The following MBNL3 variants were observed in gnomAD, a reference collection of about 807,000 sequenced individuals.
MBNL3 encodes the protein muscleblind like splicing regulator 3, also known as muscleblind-like protein 3.
In MBNL3, 6 loss-of-function variants were observed where a neutral mutation model predicts 24.5. The ratio of observed to expected loss-of-function variants is 0.25; its 90% CI spans 0.13 to 0.48. The LOEUF is 0.48. Ranked by LOEUF, MBNL3 falls within the 20% of genes least tolerant of loss-of-function variation. MBNL3 has a pLI of 0.99. For synonymous variants in MBNL3, 100 were observed against 101.7 expected, an observed-to-expected ratio of 0.98 and a Z score of 0.10; for missense variants, 230 against 293.5, an observed-to-expected ratio of 0.78 and a Z score of 1.58.
chrX:132,482,338 G>A (rs138509136), intron 1 of MBNL3, among the ~76,000 whole-genome samples: 98 of 112,056 alleles, frequency 8.7e-4, no homozygotes, highest in African/African-American at 3.0e-3. Flanking sequence ...ATTCTACCCC[G>A]TAAATATTAC....
chrX:132,478,253 A>G (rs1947549639), intron 1 of MBNL3, among the ~76,000 whole-genome samples: 1 of 111,246 alleles, frequency 9.0e-6, no homozygotes, highest in African/African-American at 3.3e-5. Context: ...AGATAGTTTT[A>G]TTTTCAGTGT....
intron 1 of MBNL3, among the ~76,000 whole-genome samples, chrX:132,452,916 A>G (rs1422164347): frequency 8.9e-6 from 1 of 112,601 alleles, no homozygotes; most frequent in Admixed American, 9.4e-5. Flanking sequence ...CAGTTCAGAG[A>G]ACAGAACATC....
chrX:132,473,105 C>G (rs17000246), intron 1 of MBNL3, among the ~76,000 whole-genome samples: 1,492 of 111,856 alleles, frequency 0.013, 24 homozygotes, highest in African/African-American at 0.044. Flanking sequence ...TATAAACTTG[C>G]CTTCCTTTGC....
Position 132,376,131 on chromosome X carries a change from G to A in MBNL3, c.*3535C>T, listed in dbSNP as rs988690834. 1.1e-4 allele frequency: 12 copies of A among 110,839 alleles called. No individual in the cohort carries two copies. Among genetic ancestry groups the A allele is most frequent in the African/African-American group, 3.6e-4 (11 of 30,540 alleles). 9.1% of individuals were successfully genotyped at this position (110,839 alleles called of 1,213,427 possible). A position where few individuals can be genotyped will look rare whatever the true frequency, so the allele number is the denominator to read the frequency against. On this transcript the variant is annotated 3_prime_UTR_variant, in exon 9 of 9. Transcript: ENST00000370853. Reference sequence around the variant, plus strand: ...TAGTGAACACCACCTAGTGGTATAGGACAACACTTATGGCAAGATCAAAGT... The same window carrying A: ...TAGTGAACACCACCTAGTGGTATAGAACAACACTTATGGCAAGATCAAAGT...
At chrX:132,470,442 A>G (rs1327784312) in intron 1 of MBNL3, among the ~76,000 whole-genome samples, 1 of 111,235 alleles carries the variant, frequency 9.0e-6, no homozygotes, top group East Asian at 2.8e-4. Flanking sequence ...GTGAAATAGG[A>G]AAGTCCTAGG....
intron 2 of MBNL3, chrX:132,430,010 A>G (rs1001943735): frequency 2.7e-5 from 3 of 111,316 alleles, no homozygotes; most frequent in African/African-American, 9.8e-5. Flanking sequence ...AAGTGCTTTT[A>G]TATGTATGAG....
intron 1 of MBNL3, among the ~76,000 whole-genome samples, chrX:132,463,684 T>A (rs1231358082): frequency 9.0e-6 from 1 of 110,993 alleles, no homozygotes; most frequent in Non-Finnish European, 1.9e-5. Context: ...CACACAATTT[T>A]AAAAAAAAGT....
At chrX:132,401,220 C>T (rs1204494930) in intron 3 of MBNL3, among the ~76,000 whole-genome samples, 2 of 111,692 alleles carry the variant, frequency 1.8e-5, no homozygotes, top group African/African-American at 6.5e-5. Flanking sequence ...ATAAATATTT[C>T]AGTCAATAAA....
chrX:132,460,658 T>G (rs1349195095), intron 1 of MBNL3, among the ~76,000 whole-genome samples: 1 of 112,262 alleles, frequency 8.9e-6, no homozygotes, highest in East Asian at 2.8e-4. Flanking sequence ...AATAGAAATC[T>G]GACAAACCTT....
At chrX:132,394,579 A>G (rs756596042) in intron 3 of MBNL3, among the ~76,000 whole-genome samples, 37 of 112,294 alleles carry the variant, frequency 3.3e-4, no homozygotes, top group African/African-American at 1.2e-3. Context: ...TGCCTTTTAC[A>G]AAAATGAGCA....
chrX:132,386,527 T>G (rs2148071035), intron 6 of MBNL3, 134 bp downstream of exon 6: 1 of 705,253 alleles, frequency 1.4e-6, no homozygotes, highest in Non-Finnish European at 2.0e-6. Context: ...CAGATAAGCA[T>G]AACTTCCTTG....
chrX:132,396,345 CAT>C (rs60225920), intron 3 of MBNL3, among the ~76,000 whole-genome samples: 25,143 of 77,929 alleles, frequency 0.32, 4,623 homozygotes, highest in African/African-American at 0.64. Flanking sequence ...CATATATATT[CAT>C]ATATATATAT....
intron 2 of MBNL3, chrX:132,411,503 G>A: frequency 1.5e-6 from 1 of 652,635 alleles, no homozygotes; most frequent in Non-Finnish European, 1.8e-6. Flanking sequence ...ATCTTACAGA[G>A]AATGTGAAGG....
intron 5 of MBNL3, among the ~76,000 whole-genome samples, chrX:132,390,413 T>G (rs1937005270): frequency 9.1e-6 from 1 of 109,901 alleles, no homozygotes; most frequent in African/African-American, 3.3e-5. Context: ...AATTACAACC[T>G]ACTTAATACC....
intron 2 of MBNL3, among the ~76,000 whole-genome samples, chrX:132,420,335 C>T (rs1438052123): frequency 9.0e-6 from 1 of 111,340 alleles, no homozygotes; most frequent in Non-Finnish European, 1.9e-5. Context: ...AAGTCAGCGG[C>T]GGGTCTGCGA....
intron 1 of MBNL3, among the ~76,000 whole-genome samples, chrX:132,460,450 C>T (rs745912351): frequency 9.0e-6 from 1 of 111,440 alleles, no homozygotes. Flanking sequence ...AAACCCTGGG[C>T]AAGTTACCTA....
At chrX:132,396,336 A>C (rs1183840300) in intron 3 of MBNL3, among the ~76,000 whole-genome samples, 5 of 65,561 alleles carry the variant, frequency 7.6e-5, no homozygotes, top group East Asian at 3.4e-4. Flanking sequence ...ATATATATTC[A>C]TATATATTCA....
chrX:132,383,170 T>C (rs1433038339), intron 7 of MBNL3, among the ~76,000 whole-genome samples: 1 of 112,388 alleles, frequency 8.9e-6, no homozygotes, highest in African/African-American at 3.2e-5. Context: ...TAATAATTTA[T>C]CATGTCTACA....
At chrX:132,393,703 G>GTT (rs1423044036) in intron 3 of MBNL3, among the ~76,000 whole-genome samples, 2 of 111,451 alleles carry the variant, frequency 1.8e-5, no homozygotes, top group Non-Finnish European at 3.8e-5. Flanking sequence ...GACTCTACAA[G>GTT]TTAGTTATTG....
Sources: gnomAD v4.1 joint callset for allele counts (sites outside exome capture counted in the v4.1 genomes callset) on GRCh38, gnomAD v4.1.1 for gene constraint, MANE v1.5 for transcripts, NCBI Gene and HGNC (gene_info 2026-07-23, HGNC 2026-07-21) for gene names.